The following PCSK6 variants were observed in gnomAD, a reference collection of about 807,000 sequenced individuals.
The protein encoded by PCSK6 is paired basic amino acid cleaving enzyme 4.
PCSK6 carries 85 observed loss-of-function variants against 123.3 expected under a neutral mutation model. The observed-to-expected ratio is 0.69, with a 90% CI of 0.58 to 0.83. The LOEUF (loss-of-function observed/expected upper bound fraction) is 0.83. Ranked by LOEUF, PCSK6 falls within the 40% of genes least tolerant of loss-of-function variation. The pLI is 0.00. For synonymous variants in PCSK6, 508 were observed against 516.0 expected (o/e 0.98, Z 0.21); for missense variants, 1,191 against 1,282.3 (o/e 0.93, Z 1.09).
intron 2 of PCSK6, among the ~76,000 whole-genome samples, chr15:101,433,978 T>C (rs2141126172): frequency 6.6e-6 from 1 of 152,050 alleles, no homozygotes; most frequent in African/African-American, 2.4e-5. Context: ...TCAAAACCAG[T>C]TTCACGTCAC....
chr15:101,321,758 C>T (rs1333927162), intron 18 of PCSK6, among the ~76,000 whole-genome samples: 2 of 152,224 alleles, frequency 1.3e-5, no homozygotes, highest in African/African-American at 2.4e-5. Flanking sequence ...AATGCAGAGT[C>T]GTGGGCTCTG....
rs531197015 is a variant in PCSK6 at position 101,454,118 on chromosome 15, T to C, written c.298-10458A>G. Among the ~76,000 whole-genome samples the C allele has an allele frequency of 1.3e-3, 202 of 152,252 alleles. 2 individuals carry two copies. The highest frequency in any genetic ancestry group is 4.5e-3 in the African/African-American group (188 of 41,556). ...GGTCATGTTGGAGGAGGCTACAAGG[T>C]TTTTAAAAATAAGATTTTGTCTTTA... On this transcript the variant is annotated intron_variant, in intron 1 of 21. Transcript: ENST00000611716.
At chr15:101,419,266 A>G (rs1175953889) in intron 6 of PCSK6, among the ~76,000 whole-genome samples, 1 of 152,222 alleles carries the variant, frequency 6.6e-6, no homozygotes, top group Non-Finnish European at 1.5e-5. Context: ...ACAAAACCCA[A>G]CATACAAAAA....
At chr15:101,384,175 T>C (rs1439084392) in intron 10 of PCSK6, 147 bp downstream of exon 10, 4 of 1,443,334 alleles carry the variant, frequency 2.8e-6, no homozygotes, top group Non-Finnish European at 3.7e-6. Context: ...TTTTCTTAAA[T>C]AGCTGCACAT....
intron 13 of PCSK6, 47 bp from the exon 14 acceptor site, chr15:101,332,078 C>CT (rs1302783757): frequency 6.6e-7 from 1 of 1,514,214 alleles, no homozygotes; most frequent in Non-Finnish European, 8.9e-7. Context: ...GCCAAGACCT[C>CT]TGTCACTCAC....
intron 13 of PCSK6, chr15:101,365,121 C>T: frequency 1.6e-6 from 1 of 643,532 alleles, no homozygotes; most frequent in South Asian, 1.9e-5. Flanking sequence ...TGGACCCCTA[C>T]CTCACACCAT....
intron 11 of PCSK6, among the ~76,000 whole-genome samples, chr15:101,376,782 G>C (rs2041757193): frequency 6.6e-6 from 1 of 152,256 alleles, no homozygotes; most frequent in Admixed American, 6.5e-5. Context: ...CAGCAGGCAG[G>C]AAAAGTGTTG....
intron 13 of PCSK6, among the ~76,000 whole-genome samples, chr15:101,349,961 T>G (rs1034510603): frequency 3.3e-5 from 5 of 152,134 alleles, no homozygotes; most frequent in African/African-American, 1.2e-4. Flanking sequence ...CAGGCTGGAG[T>G]GCAGTGGCAC....
At chr15:101,383,831 A>G (rs2041977141) in intron 10 of PCSK6, among the ~76,000 whole-genome samples, 1 of 152,160 alleles carries the variant, frequency 6.6e-6, no homozygotes, top group African/African-American at 2.4e-5. Context: ...TATCAAACCT[A>G]TGATTAACTA....
chr15:101,342,701 A>T (rs2141391188), intron 13 of PCSK6, among the ~76,000 whole-genome samples: 1 of 152,328 alleles, frequency 6.6e-6, no homozygotes, highest in East Asian at 1.9e-4. Context: ...TGGGAGTTGG[A>T]GACCAGCCTG....
chr15:101,384,959 C>G (rs555895391), intron 9 of PCSK6, among the ~76,000 whole-genome samples: 1 of 152,272 alleles, frequency 6.6e-6, no homozygotes, highest in Non-Finnish European at 1.5e-5. Context: ...TACAACATGC[C>G]ACTAATGTAA....
At chr15:101,314,627 C>T (rs2039945790) in intron 19 of PCSK6, among the ~76,000 whole-genome samples, 1 of 152,202 alleles carries the variant, frequency 6.6e-6, no homozygotes, top group South Asian at 2.1e-4. Context: ...GCTGGCTTCA[C>T]ACCTCAGAAC....
At chr15:101,363,632 C>T (rs1037692546) in intron 13 of PCSK6, among the ~76,000 whole-genome samples, 1 of 146,628 alleles carries the variant, frequency 6.8e-6, no homozygotes, top group Non-Finnish European at 1.5e-5. Context: ...TTTGTTATAA[C>T]ACTTTTTTTT....
At chr15:101,313,611 C>A in intron 19 of PCSK6, 106 bp from the exon 20 acceptor site, 2 of 1,473,862 alleles carry the variant, frequency 1.4e-6, no homozygotes, top group Non-Finnish European at 9.0e-7. Flanking sequence ...TTCAGGAGCC[C>A]CCAGGCCACC....
chr15:101,408,240 G>C (rs978120707), intron 6 of PCSK6, among the ~76,000 whole-genome samples: 4 of 152,182 alleles, frequency 2.6e-5, no homozygotes, highest in African/African-American at 9.7e-5. Context: ...GGACACGGAC[G>C]GCGAAAAGGA....
At chr15:101,476,920 C>A (rs1472417204) in intron 1 of PCSK6, among the ~76,000 whole-genome samples, 3 of 152,164 alleles carry the variant, frequency 2.0e-5, no homozygotes, top group East Asian at 3.9e-4. Context: ...ACGGGAGATG[C>A]AGGTAGGTGG....
chr15:101,391,647 G>A (rs3784484), intron 8 of PCSK6, among the ~76,000 whole-genome samples: 30,426 of 152,222 alleles, frequency 0.2, 3,295 homozygotes, highest in Middle Eastern at 0.27. Flanking sequence ...CAGAGGGACA[G>A]AGAATGCAGG....
At chr15:101,444,346 G>C (rs1045008519) in intron 1 of PCSK6, among the ~76,000 whole-genome samples, 6 of 152,122 alleles carry the variant, frequency 3.9e-5, no homozygotes, top group African/African-American at 9.7e-5. Context: ...TTGTCCTCAC[G>C]TCTGTCCGGG....
chr15:101,478,676 C>G lies in PCSK6; in HGVS notation c.297+10698G>C, dbSNP rs140646606. Among the ~76,000 whole-genome samples the G allele has an allele frequency of 3.4e-3, 513 of 152,312 alleles. 2 individuals carry two copies. The highest frequency in any genetic ancestry group is 0.014 in the Middle Eastern group (4 of 294). ...TGCCGGTTCTGCCTCGGAGTAGCCA[C>G]GTGGCACAGATGACTGAACATCTGC... On this transcript the variant is annotated intron_variant, in intron 1 of 21. Coordinates refer to ENST00000611716, the MANE Select transcript of PCSK6 (RefSeq NM_002570.5).
Sources: gnomAD v4.1 joint callset for allele counts (sites outside exome capture counted in the v4.1 genomes callset) on GRCh38, gnomAD v4.1.1 for gene constraint, MANE v1.5 for transcripts, NCBI Gene and HGNC (gene_info 2026-07-23, HGNC 2026-07-21) for gene names.